Variants in MYH16 observed in about 807,000 individuals in gnomAD.
The protein encoded by MYH16 is myosin heavy chain 16, also known as putative uncharacterized protein MYH16.
At chr7:99,253,827 TAA>T in intron 8 of MYH16, 1 of 193,296 alleles carries the variant, frequency 5.2e-6, no homozygotes, top group Non-Finnish European at 1.1e-5. Context: ...AACTTGTTGG[TAA>T]AGACCTTTAT....
At chr7:99,301,434 T>C (rs1792593203) in intron 37 of MYH16, among the ~76,000 whole-genome samples, 167 bp from the exon 19 acceptor site, 1 of 152,098 alleles carries the variant, frequency 6.6e-6, no homozygotes, top group African/African-American at 2.4e-5. Flanking sequence ...TACCATAAAC[T>C]TCCCAAGACC....
chr7:99,291,084 T>C lies in MYH16; in HGVS notation n.3825-239T>C, dbSNP rs116170576. 5.8e-3 allele frequency: 1,303 copies of C among 225,480 alleles called. 14 individuals are homozygous for C. The highest frequency in any genetic ancestry group is 0.029 in the African/African-American group (1,246 of 42,946). The allele number at this position is 225,480 out of a possible 1,614,324, so 14.0% of individuals were successfully genotyped here. A position where few individuals can be genotyped will look rare whatever the true frequency, so the allele number is the denominator to read the frequency against. On this transcript the variant is annotated intron_variant and non_coding_transcript_variant, in intron 30 of 41. Coordinates refer to ENST00000439784, the Ensembl canonical transcript of MYH16. ...TGTAGGAGATAGGGGTTTCATTATG[T>C]GAGGCCCCTAAGTCCATGCAGGTTA...
At chr7:99,276,751 C>T (rs1201907319) in intron 20 of MYH16, among the ~76,000 whole-genome samples, 1 of 152,032 alleles carries the variant, frequency 6.6e-6, no homozygotes, top group Non-Finnish European at 1.5e-5. Flanking sequence ...GGTGTGACTT[C>T]ATGTTAGACA....
At chr7:99,240,751 A>G (rs1791657916) in intron 1 of MYH16, among the ~76,000 whole-genome samples, 1 of 151,980 alleles carries the variant, frequency 6.6e-6, no homozygotes, top group African/African-American at 2.4e-5. Flanking sequence ...GAGCCAGGAG[A>G]ATCGCTTGAG....
chr7:99,242,719 A>G (rs1007826778), intron 1 of MYH16, among the ~76,000 whole-genome samples: 8 of 152,198 alleles, frequency 5.3e-5, no homozygotes, highest in Admixed American at 4.6e-4. Context: ...TTGATTGTGC[A>G]TGGTCAGTTA....
At chr7:99,274,043 C>A (rs1407388099) in intron 20 of MYH16, among the ~76,000 whole-genome samples, 1 of 152,232 alleles carries the variant, frequency 6.6e-6, no homozygotes, top group Non-Finnish European at 1.5e-5. Context: ...TGACTCCTTG[C>A]CCCTGGGCAT....
At position 99,273,431 on chromosome 7, in the gene MYH16, C is replaced by T; in HGVS notation, n.2485+8C>T. ...TGGAAGCTGTACAACAAGGTGAGGG[C>T]CGAGGGGCCAGGCCAGGGGGGACTG... On this transcript the variant is annotated splice_region_variant and intron_variant and non_coding_transcript_variant, in intron 20 of 41. Transcript: ENST00000439784. 2.2e-6 allele frequency: 1 copy of T among 456,686 alleles called. No homozygotes were observed. The highest frequency in any genetic ancestry group is 1.5e-5 in the South Asian group (1 of 64,560). 28.3% of individuals were successfully genotyped at this position (456,686 alleles called of 1,614,324 possible).
At chr7:99,301,416 C>A (rs559482874) in intron 37 of MYH16, among the ~76,000 whole-genome samples, 185 bp from the exon 19 acceptor site, 1 of 152,244 alleles carries the variant, frequency 6.6e-6, no homozygotes, top group East Asian at 1.9e-4. Flanking sequence ...CCTGCTGGGG[C>A]TCCACCATAC....
At chr7:99,277,160 G>A (rs917936871) in intron 20 of MYH16, among the ~76,000 whole-genome samples, 1 of 152,140 alleles carries the variant, frequency 6.6e-6, no homozygotes, top group African/African-American at 2.4e-5. Context: ...CAGTAGGGAA[G>A]GAAGGAGGGA....
rs142974223 is a variant in MYH16, at chr7:99,260,699, C to T, written n.1575+365C>T. The T allele has an allele frequency of 1.9e-4, 36 of 184,802 alleles. 1 individual carries two copies. The South Asian group carries it at 2.0e-3, about 10-fold the overall frequency. 11.4% of individuals were successfully genotyped at this position (184,802 alleles called of 1,614,324 possible). A position where few individuals can be genotyped will look rare whatever the true frequency, so the allele number is the denominator to read the frequency against. Reference sequence around the variant, plus strand: ...CCACAACCTGTGAGTGGCAGAGTCACGCTCTGACCCAGGCAATATAATAGT... The same window carrying T: ...CCACAACCTGTGAGTGGCAGAGTCATGCTCTGACCCAGGCAATATAATAGT... On this transcript the variant is annotated intron_variant and non_coding_transcript_variant, in intron 12 of 41. Transcript: ENST00000439784.
chr7:99,283,509 TGTTCA>T (rs1434067501), intron 23 of MYH16, 51 bp from the exon 6 acceptor site: 9 of 454,020 alleles, frequency 2.0e-5, no homozygotes, highest in African/African-American at 1.6e-4. Flanking sequence ...GGATCAGGAC[TGTTCA>T]GCTGCTCCCA....
intron 6 of MYH16, chr7:99,252,472 C>A (rs902137795): frequency 6.6e-6 from 1 of 152,278 alleles, no homozygotes. Flanking sequence ...CTGTACCATG[C>A]AAGCCAGAGA....
chr7:99,263,328 C>G (rs1791956578), intron 13 of MYH16: 4 of 153,668 alleles, frequency 2.6e-5, no homozygotes, highest in Admixed American at 1.3e-4. Flanking sequence ...CGTTTGCCCT[C>G]TCCAGGTGGG....
At chr7:99,293,085 G>A (rs1270635868) in intron 32 of MYH16, among the ~76,000 whole-genome samples, 2 of 152,162 alleles carry the variant, frequency 1.3e-5, no homozygotes, top group African/African-American at 2.4e-5. Flanking sequence ...CATGCACGCA[G>A]GGAAGCCCTG....
At chr7:99,298,168 C>T (rs1047491358) in intron 36 of MYH16, among the ~76,000 whole-genome samples, 173 bp downstream of exon 17, 2 of 151,860 alleles carry the variant, frequency 1.3e-5, no homozygotes, top group Non-Finnish European at 2.9e-5. Flanking sequence ...CTCACACTAC[C>T]GTGTCTAGTT....
chr7:99,277,036 A>C (rs1230625017), intron 20 of MYH16, among the ~76,000 whole-genome samples: 7 of 118,934 alleles, frequency 5.9e-5, no homozygotes, highest in Non-Finnish European at 7.7e-5. Flanking sequence ...GGCATGAGAG[A>C]GACACAGAGA....
intron 2 of MYH16, among the ~76,000 whole-genome samples, chr7:99,244,869 T>C (rs1791709972): frequency 6.6e-6 from 1 of 152,190 alleles, no homozygotes; most frequent in African/African-American, 2.4e-5. Flanking sequence ...CGCAAGCCCT[T>C]GTTCCTCCTG....
At chr7:99,299,228 C>T (rs76810056) in intron 36 of MYH16, among the ~76,000 whole-genome samples, 59 of 152,240 alleles carry the variant, frequency 3.9e-4, no homozygotes, top group African/African-American at 3.6e-4. Context: ...CAGAATGTGA[C>T]GGTTTTTCCA....
At chr7:99,259,750 TATAC>T (rs1233638489) in intron 11 of MYH16, among the ~76,000 whole-genome samples, 2 of 148,370 alleles carry the variant, frequency 1.3e-5, no homozygotes, top group Admixed American at 6.8e-5. Flanking sequence ...ATTATACATA[TATAC>T]ATACATATTA....
Sources: allele counts gnomAD v4.1 joint callset (sites outside exome capture counted in the v4.1 genomes callset), GRCh38; gene constraint gnomAD v4.1.1; transcripts MANE v1.5; gene names NCBI Gene and HGNC (gene_info 2026-07-23, HGNC 2026-07-21).